Variants in CHRAC1 observed in about 807,000 individuals in gnomAD.
CHRAC1 encodes chromatin accessibility complex protein 1.
In CHRAC1, 6 loss-of-function variants were observed where a neutral mutation model predicts 9.1. The ratio of observed to expected loss-of-function variants is 0.66; its 90% CI spans 0.36 to 1.29. CHRAC1 has a LOEUF of 1.29. Among genes scored for constraint, CHRAC1 ranks in the 50% most tolerant of loss-of-function variants. CHRAC1 has a pLI of 0.03. For synonymous variants in CHRAC1, 73 were observed against 64.5 expected (o/e 1.13, Z -0.63); for missense variants, 168 against 163.5 (o/e 1.03, Z -0.15).
At chr8:140,512,547 G>A (rs1479933119) in intron 1 of CHRAC1, among the ~76,000 whole-genome samples, 1 of 152,128 alleles carries the variant, frequency 6.6e-6, no homozygotes, top group Admixed American at 6.5e-5. Context: ...TCTGACACTG[G>A]GCCATGTTTC....
In CHRAC1 at chr8:140,514,428, G is replaced by T. The variant is rs2072313296; in HGVS notation, c.207G>T (p.Lys69Asn). 1 of 1,586,514 alleles carries T rather than the reference G, an allele frequency of 6.3e-7. No individual in the cohort carries two copies. Among genetic ancestry groups the T allele is most frequent in the Non-Finnish European group, 8.5e-7 (1 of 1,172,376 alleles). ...ACAGACACGGCAGTGGAAAGGAAAA[G>T]AAAGTACTGACTTACAGTGATTTAG... ...YSYRHGSGKE[K>N]KVLTYSDLAN... The change falls in exon 2 of 3, where the codon AAG (lysine) becomes AAT (asparagine). Residue 69 changes from lysine (K) to asparagine (N), a missense_variant. Transcript: ENST00000220913.
chr8:140,515,095 C>A (rs369433034), intron 2 of CHRAC1, 31 bp from the exon 3 acceptor site: 1 of 1,602,948 alleles, frequency 6.2e-7, no homozygotes. Flanking sequence ...CTACCATAAC[C>A]AATTGCTGAT....
chr8:140,511,725 C>G (rs976506051), intron 1 of CHRAC1, 79 bp downstream of exon 1: 1 of 1,204,882 alleles, frequency 8.3e-7, no homozygotes, highest in Non-Finnish European at 1.1e-6. Context: ...CTGCCCAGTC[C>G]CCTTAGGCCC....
chr8:140,511,928 T>G, intron 1 of CHRAC1: 1 of 1,233,778 alleles, frequency 8.1e-7, no homozygotes, highest in East Asian at 5.2e-5. Context: ...TTTGTCGCCT[T>G]CCTTCGCTCC....
intron 1 of CHRAC1, among the ~76,000 whole-genome samples, chr8:140,512,759 A>G (rs1252377826): frequency 6.6e-6 from 1 of 152,238 alleles, no homozygotes; most frequent in Admixed American, 6.5e-5. Flanking sequence ...ATCTGGGGAC[A>G]TTTGTATTTT....
At chr8:140,514,549 T>C in intron 2 of CHRAC1, 54 bp downstream of exon 2, 2 of 1,443,598 alleles carry the variant, frequency 1.4e-6, no homozygotes, top group Non-Finnish European at 1.8e-6. Flanking sequence ...TCAATAGCTC[T>C]TTCCCCACCC....
At chr8:140,511,943 G>A in intron 1 of CHRAC1, 4 of 1,164,368 alleles carry the variant, frequency 3.4e-6, no homozygotes, top group Non-Finnish European at 4.5e-6. Flanking sequence ...CGCTCCGCCC[G>A]CCCCTTCCTT....
intron 1 of CHRAC1, among the ~76,000 whole-genome samples, chr8:140,513,521 C>T (rs1314294382): frequency 6.6e-6 from 1 of 152,014 alleles, no homozygotes; most frequent in Non-Finnish European, 1.5e-5. Context: ...CTGCAAGCTC[C>T]GCCTCCCGGG....
chr8:140,515,204 A>G lies in CHRAC1; in HGVS notation c.353A>G (p.Asn118Ser). The G allele has an allele frequency of 6.2e-7, 1 of 1,614,104 alleles. No individual in the cohort carries two copies. Among genetic ancestry groups the G allele is most frequent in the Non-Finnish European group, 8.5e-7 (1 of 1,179,960 alleles). Reference sequence around the variant, plus strand: ...GAAAAGAGGGAAGAAGATGAGGAGAATGACAATGATAATGAAAGTGACCAT... The same window carrying G: ...GAAAAGAGGGAAGAAGATGAGGAGAGTGACAATGATAATGAAAGTGACCAT... ...KEEKREEDEE[N>S]DNDNESDHDE... Residue 118 changes from asparagine to serine, a missense_variant, in exon 3 of 3, where the codon AAT becomes AGT. Physicochemically the swap from Asn to Ser is conservative, Grantham distance 46 (BLOSUM62 1). Coordinates refer to ENST00000220913, the MANE Select transcript of CHRAC1 (RefSeq NM_017444.6).
rs746234403 is a variant in CHRAC1, at chr8:140,511,607, C to T, written c.108C>T (p.Ser36=). 1 of 1,473,564 alleles carries T rather than the reference C, an allele frequency of 6.8e-7. No homozygotes were observed. Among genetic ancestry groups the T allele is most frequent in the Non-Finnish European group, 9.0e-7 (1 of 1,105,764 alleles). The allele number at this position is 1,473,564 out of a possible 1,614,324, so 91.3% of individuals were successfully genotyped here. ...VIMKSSPEVS[S]INQEALVLTA... is the part of the protein sequence containing the mutation. ...TGAAGAGCTCCCCCGAGGTGTCCAG[C>T]ATCAACCAGGAGGCGTTGGTGCTCA... The change falls in exon 1 of 3, where the codon AGC becomes AGT. Residue 36 remains serine, a synonymous_variant. Coordinates refer to ENST00000220913, the MANE Select transcript of CHRAC1 (RefSeq NM_017444.6).
intron 1 of CHRAC1, chr8:140,511,881 G>C (rs1455878663): frequency 3.6e-6 from 3 of 837,642 alleles, no homozygotes; most frequent in African/African-American, 3.5e-5. Context: ...ACGTTCTCCA[G>C]TTTCTTCGCC....
At chr8:140,513,364 A>T (rs2072300103) in intron 1 of CHRAC1, among the ~76,000 whole-genome samples, 1 of 152,264 alleles carries the variant, frequency 6.6e-6, no homozygotes, top group Non-Finnish European at 1.5e-5. Flanking sequence ...GAAACAGTGT[A>T]TGCAAATAGA....
In CHRAC1 at chr8:140,511,326, C is replaced by G. The variant is rs2072268858; in HGVS notation, c.-174C>G. 6.7e-6 allele frequency: 3 copies of G among 448,084 alleles called. No homozygotes were observed. The highest frequency in any genetic ancestry group is 2.0e-5 in the African/African-American group (1 of 48,842). The allele number at this position is 448,084 out of a possible 1,614,324, so 27.8% of individuals were successfully genotyped here. ...CGCAGATCGGGGGCGCGAGGCCTCA[C>G]GGAGCTCGTAGTTTCCCGGACGGGC... On this transcript the variant is annotated 5_prime_UTR_variant, in exon 1 of 3. Transcript: ENST00000220913.
chr8:140,513,733 C>A (rs1416351353), intron 1 of CHRAC1, among the ~76,000 whole-genome samples: 2 of 152,074 alleles, frequency 1.3e-5, no homozygotes, highest in Non-Finnish European at 2.9e-5. Context: ...AGGCCTGAGC[C>A]ACAGCTCCCG....
At position 140,511,334 on chromosome 8, in the gene CHRAC1, G is replaced by C. The variant is rs1427625706; in HGVS notation, c.-166G>C. The C allele has an allele frequency of 6.2e-6, 3 of 480,970 alleles. No homozygotes were observed. The highest frequency in any genetic ancestry group is 7.4e-5 in the East Asian group (2 of 26,986). 29.8% of individuals were successfully genotyped at this position (480,970 alleles called of 1,614,324 possible). A position where few individuals can be genotyped will look rare whatever the true frequency, so the allele number is the denominator to read the frequency against. ...GGGGGCGCGAGGCCTCACGGAGCTC[G>C]TAGTTTCCCGGACGGGCCGCTCCCG... On this transcript the variant is annotated 5_prime_UTR_variant, in exon 1 of 3. Transcript: ENST00000220913.
At position 140,511,490 on chromosome 8, in the gene CHRAC1, G is replaced by C. The variant is rs777561866; in HGVS notation, c.-10G>C. ...CGCCGGCTGCGGGCACCCGCGCGAC[G>C]GGCGGGAAGATGGCGGACGTGGTCG... is the stretch of plus-strand genomic sequence containing the variant. On this transcript the variant is annotated 5_prime_UTR_variant, in exon 1 of 3. Transcript: ENST00000220913. The C allele has an allele frequency of 3.0e-6, 4 of 1,314,984 alleles. No individual in the cohort carries two copies. In the East Asian group the frequency reaches 1.3e-4, roughly 41 times the overall value. The allele number at this position is 1,314,984 out of a possible 1,614,324, so 81.5% of individuals were successfully genotyped here. A position where few individuals can be genotyped will look rare whatever the true frequency, so the allele number is the denominator to read the frequency against.
intron 1 of CHRAC1, 74 bp downstream of exon 1, chr8:140,511,720 C>G: frequency 1.6e-6 from 2 of 1,240,778 alleles, no homozygotes; most frequent in Non-Finnish European, 2.1e-6. Flanking sequence ...GGGCACTGCC[C>G]AGTCCCCTTA....
Position 140,512,175 on chromosome 8 carries a change from C to T in CHRAC1, c.147+529C>T, listed in dbSNP as rs1346575879. ...CATTTGGGTTCTTTGGGGGCTCTTT[C>T]ACCCGCGACTCCCTACTCCCGGCCT... On this transcript the variant is annotated intron_variant, in intron 1 of 2. Coordinates refer to ENST00000220913, the MANE Select transcript of CHRAC1 (RefSeq NM_017444.6). 9.4e-6 allele frequency: 4 copies of T among 423,604 alleles called. No homozygotes were observed. In the East Asian group the frequency reaches 2.4e-4, roughly 25 times the overall value. The allele number at this position is 423,604 out of a possible 1,614,324, so 26.2% of individuals were successfully genotyped here. A position where few individuals can be genotyped will look rare whatever the true frequency, so the allele number is the denominator to read the frequency against.
chr8:140,514,401 C>G lies in CHRAC1; in HGVS notation c.180C>G (p.Ser60=). Residue 60 remains serine (S), a synonymous_variant, in exon 2 of 3, where the codon TCC becomes TCG. Transcript: ENST00000220913. ...TTGTTCAATGCCTAGCCACCTATTC[C>G]TACAGACACGGCAGTGGAAAGGAAA... ...ELFVQCLATY[S]YRHGSGKEKK... is the part of the protein sequence containing the mutation. 6.3e-7 allele frequency: 1 copy of G among 1,590,256 alleles called. No individual in the cohort carries two copies. The highest frequency in any genetic ancestry group is 8.5e-7 in the Non-Finnish European group (1 of 1,173,282).
Sources: allele counts gnomAD v4.1 joint callset (sites outside exome capture counted in the v4.1 genomes callset), GRCh38; gene constraint gnomAD v4.1.1; transcripts MANE v1.5; gene names NCBI Gene and HGNC (gene_info 2026-07-23, HGNC 2026-07-21).